The following SPTBN1 variants were observed in gnomAD, a reference collection of about 807,000 sequenced individuals.
SPTBN1 encodes the protein spectrin beta chain, non-erythrocytic 1.
SPTBN1 carries 32 observed loss-of-function variants against 266.4 expected under a neutral mutation model. The observed-to-expected ratio is 0.12, with a 90% CI of 0.09 to 0.16. The LOEUF (loss-of-function observed/expected upper bound fraction) is 0.16. Ranked by LOEUF, SPTBN1 falls within the 10% of genes least tolerant of loss-of-function variation. SPTBN1 has a pLI of 1.00. For synonymous variants in SPTBN1, 1,336 were observed against 1,162.2 expected (o/e 1.15, Z -3.04); for missense variants, 2,296 against 3,067.1 (o/e 0.75, Z 5.94).
chr2:54,499,741 A>G (rs562837557), intron 1 of SPTBN1, among the ~76,000 whole-genome samples: 3 of 152,346 alleles, frequency 2.0e-5, no homozygotes, highest in African/African-American at 7.2e-5. Flanking sequence ...AAACCTTCAC[A>G]TCTGCACATG....
chr2:54,566,533 A>C (rs1673677215), intron 2 of SPTBN1, among the ~76,000 whole-genome samples: 2 of 152,018 alleles, frequency 1.3e-5, no homozygotes, highest in African/African-American at 4.8e-5. Flanking sequence ...TGCTGCATTG[A>C]CTTAAAAGTT....
intron 24 of SPTBN1, among the ~76,000 whole-genome samples, 153 bp downstream of exon 24, chr2:54,647,414 T>G (rs934544426): frequency 2.0e-5 from 3 of 152,208 alleles, no homozygotes; most frequent in Non-Finnish European, 4.4e-5. Context: ...ACCCATCATT[T>G]AAAACATCCT....
chr2:54,518,134 G>A (rs1339707929), intron 1 of SPTBN1, among the ~76,000 whole-genome samples: 1 of 152,082 alleles, frequency 6.6e-6, no homozygotes, highest in Non-Finnish European at 1.5e-5. Context: ...GAATGTTTGG[G>A]ATGCAATCTC....
At chr2:54,648,915 A>G (rs1680088818) in intron 24 of SPTBN1, 71 bp from the exon 25 acceptor site, 8 of 1,401,174 alleles carry the variant, frequency 5.7e-6, no homozygotes, top group African/African-American at 1.4e-5. Flanking sequence ...TCTCCACCTC[A>G]TTTGTTTTTC....
At position 54,664,953 on chromosome 2, in the gene SPTBN1, A is replaced by G; in HGVS notation, c.6659+262A>G. The stretch of plus-strand genomic sequence containing the variant: ...TTCATCTAGAGAAGGAATTTGCTAG[A>G]TTGAGACTGAAGAGTCTTCTTTACT... On this transcript the variant is annotated intron_variant, in intron 33 of 35. Transcript: ENST00000356805. The surrounding 1 kb of genome is among the most constrained non-coding windows in gnomAD (Gnocchi z 5.6). 4.5e-6 allele frequency: 2 copies of G among 448,620 alleles called. No individual in the cohort carries two copies. The highest frequency in any genetic ancestry group is 8.1e-6 in the Non-Finnish European group (2 of 247,060). The allele number at this position is 448,620 out of a possible 1,614,324, so 27.8% of individuals were successfully genotyped here.
At position 54,465,639 on chromosome 2, in the gene SPTBN1, C is replaced by CATATATATATATAT. The variant is rs70944167; in HGVS notation, c.-48+9138_-48+9151dup. On this transcript the variant is annotated intron_variant, in intron 1 of 35. Coordinates refer to ENST00000356805, the MANE Select transcript of SPTBN1 (RefSeq NM_003128.3). Reference sequence around the variant, plus strand: ...TGATGCATACATATCATGTTTATCTCATATATATATATATATATATATATA... The same window carrying CATATATATATATAT: ...TGATGCATACATATCATGTTTATCTCATATATATATATATATATATATATATATATATATATATA... Among the ~76,000 whole-genome samples the CATATATATATATAT allele has an allele frequency of 3.9e-3, 456 of 116,230 alleles. 2 individuals carry two copies. The highest frequency in any genetic ancestry group is 9.4e-3 in the Admixed American group (102 of 10,908). The allele number at this position is 116,230 out of a possible 152,430, so 76.3% of individuals were successfully genotyped here. A position where few individuals can be genotyped will look rare whatever the true frequency, so the allele number is the denominator to read the frequency against.
At chr2:54,637,650 A>G (rs1679242246) in intron 17 of SPTBN1, 63 bp from the exon 18 acceptor site, 1 of 1,284,628 alleles carries the variant, frequency 7.8e-7, no homozygotes, top group African/African-American at 1.5e-5. Flanking sequence ...ATTGATTTGT[A>G]TTCTGTATTT....
At chr2:54,639,174 A>G (rs1451554431) in intron 18 of SPTBN1, among the ~76,000 whole-genome samples, 1 of 152,252 alleles carries the variant, frequency 6.6e-6, no homozygotes, top group Non-Finnish European at 1.5e-5. Flanking sequence ...AGAGGCATTC[A>G]TGTGCCAAGA....
intron 1 of SPTBN1, among the ~76,000 whole-genome samples, chr2:54,525,371 A>G (rs1670740345): frequency 6.6e-6 from 1 of 152,024 alleles, no homozygotes; most frequent in Non-Finnish European, 1.5e-5. Flanking sequence ...TTGGCCTCCC[A>G]AGTAGCTGGG....
chr2:54,653,679 A>T lies in SPTBN1; in HGVS notation c.5648A>T (p.Gln1883Leu), dbSNP rs1312539477. 2 of 1,614,140 alleles carry T rather than the reference A, an allele frequency of 1.2e-6. No homozygotes were observed. Among genetic ancestry groups the T allele is most frequent in the Non-Finnish European group, 1.7e-6 (2 of 1,180,016 alleles). Residue 1883 changes from glutamine to leucine, a missense_variant, in exon 27 of 36, where the codon CAG (glutamine) becomes CTG (leucine). Physicochemically the swap from Gln to Leu is moderately radical, Grantham distance 113. Coordinates refer to ENST00000356805, the MANE Select transcript of SPTBN1 (RefSeq NM_003128.3). The surrounding 1 kb of genome is among the most constrained non-coding windows in gnomAD (Gnocchi z 5.1). ...GCGGGTGACAAGGCCGACGATATCC[A>T]GAAGCGCGAGAACGAGGTCCTGGAA... ...AYAGDKADDI[Q>L]KRENEVLEAW...
intron 29 of SPTBN1, among the ~76,000 whole-genome samples, chr2:54,657,076 C>G (rs766013707): frequency 6.6e-6 from 1 of 152,236 alleles, no homozygotes; most frequent in Non-Finnish European, 1.5e-5. Context: ...CCAGGCTTTG[C>G]TGCATGAAAT....
Position 54,670,641 on chromosome 2 carries a change from CT to C in SPTBN1, c.*2073del, listed in dbSNP as rs1185076753. On this transcript the variant is annotated 3_prime_UTR_variant, in exon 36 of 36. Transcript: ENST00000356805. ...AATTGTGATTAATTACAGTCTTGTA[CT>C]CTTGACAAAGCTGTGCAGATGGCAA... The C allele has an allele frequency of 2.5e-6, 1 of 398,544 alleles. No individual in the cohort carries two copies. Among genetic ancestry groups the C allele is most frequent in the Non-Finnish European group, 4.4e-6 (1 of 226,082 alleles). The allele number at this position is 398,544 out of a possible 1,614,324, so 24.7% of individuals were successfully genotyped here. A position where few individuals can be genotyped will look rare whatever the true frequency, so the allele number is the denominator to read the frequency against.
At chr2:54,612,949 G>A (rs536432654) in intron 4 of SPTBN1, among the ~76,000 whole-genome samples, 27 of 152,300 alleles carry the variant, frequency 1.8e-4, no homozygotes, top group African/African-American at 3.1e-4. Context: ...TTTTAAGCCG[G>A]AAGGTACTCT....
chr2:54,530,561 G>A (rs555590406), intron 2 of SPTBN1, among the ~76,000 whole-genome samples: 2 of 151,834 alleles, frequency 1.3e-5, no homozygotes, highest in East Asian at 3.9e-4. Context: ...GTTTCGCCGT[G>A]TTATCCAGGA....
intron 1 of SPTBN1, among the ~76,000 whole-genome samples, chr2:54,468,664 C>A (rs1174911981): frequency 1.3e-5 from 2 of 152,140 alleles, no homozygotes; most frequent in South Asian, 2.1e-4. Context: ...AGAAAGAATT[C>A]AAAAATTTGT....
chr2:54,603,369 T>C (rs1393651234), intron 3 of SPTBN1, among the ~76,000 whole-genome samples: 1 of 152,166 alleles, frequency 6.6e-6, no homozygotes, highest in Non-Finnish European at 1.5e-5. Flanking sequence ...TCCCTATCAC[T>C]TGTGTTTACA....
chr2:54,556,126 A>G (rs954252632), intron 2 of SPTBN1, among the ~76,000 whole-genome samples: 3 of 152,240 alleles, frequency 2.0e-5, no homozygotes, highest in African/African-American at 7.2e-5. Context: ...TAAAGAATGA[A>G]TACCTCTGGC....
chr2:54,517,133 T>G (rs1573314898), intron 1 of SPTBN1, among the ~76,000 whole-genome samples: 1 of 11,772 alleles, frequency 8.5e-5, no homozygotes, highest in African/African-American at 2.5e-3. Context: ...TGGAGGGGGA[T>G]GGATAGTGAG....
Position 54,649,860 on chromosome 2 carries a change from G to C in SPTBN1, c.5448G>C (p.Glu1816Asp), listed in dbSNP as rs1572753559. 1 of 1,614,222 alleles carries C rather than the reference G, an allele frequency of 6.2e-7. No homozygotes were observed. The highest frequency in any genetic ancestry group is 8.5e-7 in the Non-Finnish European group (1 of 1,180,042). Residue 1816 changes from glutamate to aspartate, a missense_variant, in exon 26 of 36, where the codon GAG (glutamate) becomes GAC (aspartate). Physicochemically the swap from Glu to Asp is conservative, Grantham distance 45. Around this residue, in one of 12 missense-constraint regions of SPTBN1, gnomAD observed 644 missense variants for 745.3 expected, o/e 0.86. Transcript: ENST00000356805. This position sits in a 1 kb window ranked among gnomAD's most constrained non-coding sequence, Gnocchi z 6.7. ...ELHKFYHDAK[E>D]IFGRIQDKHK... ...ACAAGTTTTACCACGATGCCAAGGA[G>C]ATCTTTGGGCGTATACAGGACAAAC...
Sources: gnomAD v4.1 joint callset for allele counts (sites outside exome capture counted in the v4.1 genomes callset) on GRCh38, gnomAD v4.1.1 for gene constraint, gnomAD v4.1.1 regional missense constraint, Gnocchi (gnomAD v3.1) non-coding constraint, MANE v1.5 for transcripts, NCBI Gene and HGNC (gene_info 2026-07-23, HGNC 2026-07-21) for gene names.